The following ADGRL3 variants were observed in gnomAD, a reference collection of about 807,000 sequenced individuals.
ADGRL3 encodes the protein adhesion G protein-coupled receptor L3, also known as calcium-independent alpha-latrotoxin receptor 3.
Under a neutral mutation model 153.5 loss-of-function variants are expected in ADGRL3, and 62 were observed. The observed-to-expected ratio is 0.40, with a 90% CI of 0.33 to 0.50. The LOEUF (loss-of-function observed/expected upper bound fraction) is 0.50. ADGRL3 is among the 20% of genes least tolerant of loss of function. The probability of loss-of-function intolerance (pLI) is 0.47; values close to 1 mark genes in which losing one functional copy is unlikely to be tolerated. For missense variants in ADGRL3, 1,641 were observed against 1,859.4 expected, an observed-to-expected ratio of 0.88 and a Z score of 2.16; for synonymous variants, 710 against 672.5, an observed-to-expected ratio of 1.06 and a Z score of -0.86.
intron 1 of ADGRL3, among the ~76,000 whole-genome samples, chr4:61,266,549 A>G (rs1335796754): frequency 6.6e-6 from 1 of 151,806 alleles, no homozygotes. Flanking sequence ...CAGAATTTGT[A>G]GATAGGAAAT....
chr4:61,937,945 G>A (rs1206630849), intron 15 of ADGRL3, among the ~76,000 whole-genome samples: 1 of 152,100 alleles, frequency 6.6e-6, no homozygotes, highest in Non-Finnish European at 1.5e-5. Flanking sequence ...TAATAGAGAA[G>A]AGGGTCTTTC....
chr4:61,752,614 A>C (rs1449982592), intron 8 of ADGRL3, among the ~76,000 whole-genome samples: 5 of 152,062 alleles, frequency 3.3e-5, no homozygotes, highest in African/African-American at 1.2e-4. Context: ...TTCCTGCACT[A>C]GTGGTTTCTC....
intron 1 of ADGRL3, among the ~76,000 whole-genome samples, chr4:61,242,045 C>A (rs1755182790): frequency 6.6e-6 from 1 of 152,040 alleles, no homozygotes; most frequent in African/African-American, 2.4e-5. Flanking sequence ...TCATGGCCAA[C>A]TCTGCTCCAG....
chr4:62,050,508 A>G (rs975988026), intron 25 of ADGRL3, among the ~76,000 whole-genome samples: 3 of 152,032 alleles, frequency 2.0e-5, no homozygotes, highest in Non-Finnish European at 2.9e-5. Context: ...GAGGTTGGTC[A>G]CTGAGGCAGA....
intron 17 of ADGRL3, among the ~76,000 whole-genome samples, chr4:61,950,400 A>G (rs994636856): frequency 1.4e-4 from 22 of 152,220 alleles, no homozygotes; most frequent in Non-Finnish European, 3.2e-4. Context: ...AGATTAATGT[A>G]TTAGCCAGAA....
chr4:61,338,677 A>G (rs1211900985), intron 1 of ADGRL3, among the ~76,000 whole-genome samples: 11 of 152,160 alleles, frequency 7.2e-5, no homozygotes, highest in Admixed American at 7.2e-4. Context: ...TATCCTTTGT[A>G]TACTTTCATT....
At chr4:61,265,167 G>T (rs1560401961) in intron 1 of ADGRL3, among the ~76,000 whole-genome samples, 1 of 151,854 alleles carries the variant, frequency 6.6e-6, no homozygotes. Context: ...TTCGTTAATT[G>T]TATCAACTTG....
intron 4 of ADGRL3, among the ~76,000 whole-genome samples, chr4:61,557,398 A>G (rs2098772115): frequency 6.6e-6 from 1 of 152,284 alleles, no homozygotes; most frequent in East Asian, 1.9e-4. Flanking sequence ...TTACAAATAC[A>G]TCATTGATTC....
chr4:61,556,596 T>G (rs571244345), intron 4 of ADGRL3, among the ~76,000 whole-genome samples: 33 of 152,286 alleles, frequency 2.2e-4, no homozygotes, highest in South Asian at 4.1e-4. Flanking sequence ...GGGAAGGGCC[T>G]TTCTGACTTG....
At chr4:61,678,315 A>G (rs2095257264) in intron 6 of ADGRL3, among the ~76,000 whole-genome samples, 1 of 152,024 alleles carries the variant, frequency 6.6e-6, no homozygotes, top group Non-Finnish European at 1.5e-5. Flanking sequence ...AGACAGTTTT[A>G]GGCAACTTAC....
At chr4:61,903,050 G>A (rs2098673410) in intron 11 of ADGRL3, among the ~76,000 whole-genome samples, 1 of 152,178 alleles carries the variant, frequency 6.6e-6, no homozygotes, top group African/African-American at 2.4e-5. Context: ...TAGATAAGCG[G>A]ATGGAGATAG....
intron 1 of ADGRL3, among the ~76,000 whole-genome samples, chr4:61,260,777 G>C (rs1028061161): frequency 6.6e-6 from 1 of 151,936 alleles, no homozygotes; most frequent in Non-Finnish European, 1.5e-5. Flanking sequence ...CCAGGCTGGA[G>C]TGCAATGATG....
intron 6 of ADGRL3, among the ~76,000 whole-genome samples, chr4:61,715,324 A>G (rs2096086051): frequency 6.6e-6 from 1 of 152,178 alleles, no homozygotes; most frequent in South Asian, 2.1e-4. Flanking sequence ...AAGCAGGCTG[A>G]AAACGTCATG....
At chr4:61,310,190 T>C (rs2094944151) in intron 1 of ADGRL3, among the ~76,000 whole-genome samples, 1 of 151,788 alleles carries the variant, frequency 6.6e-6, no homozygotes, top group Non-Finnish European at 1.5e-5. Context: ...CTTATAAAAA[T>C]AGGGACTTTA....
intron 5 of ADGRL3, among the ~76,000 whole-genome samples, chr4:61,613,062 G>A (rs1277742135): frequency 6.6e-6 from 1 of 152,040 alleles, no homozygotes. Context: ...AGTGTTAAAG[G>A]GGTAAATTAG....
intron 17 of ADGRL3, among the ~76,000 whole-genome samples, chr4:61,977,597 C>G (rs2099052606): frequency 6.6e-6 from 1 of 152,188 alleles, no homozygotes; most frequent in South Asian, 2.1e-4. Flanking sequence ...TGACAGTATT[C>G]TAGTGGAGGT....
intron 10 of ADGRL3, among the ~76,000 whole-genome samples, chr4:61,893,471 GA>G (rs1417376744): frequency 6.6e-6 from 1 of 152,074 alleles, no homozygotes; most frequent in Non-Finnish European, 1.5e-5. Flanking sequence ...TGCAGAAAAT[GA>G]GGTTGAGGAC....
chr4:61,440,667 A>G (rs2097518771), intron 2 of ADGRL3, among the ~76,000 whole-genome samples: 1 of 96,306 alleles, frequency 1.0e-5, no homozygotes, highest in Admixed American at 1.3e-4. Context: ...ATGTAAGATC[A>G]GAATGCACAT....
At chr4:61,728,049 A>G (rs2096379154) in intron 6 of ADGRL3, among the ~76,000 whole-genome samples, 2 of 152,098 alleles carry the variant, frequency 1.3e-5, no homozygotes, top group Admixed American at 6.6e-5. Context: ...TGACTGGCCA[A>G]TCCTTAGTGT....
Sources: gnomAD v4.1 joint callset for allele counts (sites outside exome capture counted in the v4.1 genomes callset) on GRCh38, gnomAD v4.1.1 for gene constraint, MANE v1.5 for transcripts, NCBI Gene and HGNC (gene_info 2026-07-23, HGNC 2026-07-21) for gene names.